BEND6: variants seen among roughly 807,000 people sequenced by gnomAD.
The protein encoded by BEND6 is BEN domain-containing protein 6.
A neutral mutation model predicts 31.8 loss-of-function variants in BEND6; 24 were observed. The observed-to-expected ratio is 0.75, with a 90% CI of 0.55 to 1.06. The LOEUF is 1.06. BEND6 is among the 50% of genes least tolerant of loss of function. BEND6 has a pLI of 0.00. For missense variants in BEND6, 294 were observed against 327.4 expected, an observed-to-expected ratio of 0.90 and a Z score of 0.79; for synonymous variants, 109 against 114.6, an observed-to-expected ratio of 0.95 and a Z score of 0.31.
chr6:56,990,843 A>G (rs183653181), intron 2 of BEND6, among the ~76,000 whole-genome samples: 1 of 152,296 alleles, frequency 6.6e-6, no homozygotes, highest in African/African-American at 2.4e-5. Context: ...GAGTCAGACA[A>G]TCTTGAGATC....
At chr6:57,011,910 G>C (rs1827362861) in intron 3 of BEND6, among the ~76,000 whole-genome samples, 1 of 152,204 alleles carries the variant, frequency 6.6e-6, no homozygotes, top group Non-Finnish European at 1.5e-5. Flanking sequence ...CAGATCACGT[G>C]AGGTGAGGAG....
intron 3 of BEND6, among the ~76,000 whole-genome samples, chr6:57,003,222 T>C (rs1474418433): frequency 6.6e-6 from 1 of 152,106 alleles, no homozygotes; most frequent in Non-Finnish European, 1.5e-5. Context: ...AAAAATCTGC[T>C]GGGCACAGTG....
chr6:56,958,687 C>T (rs1825181127), intron 1 of BEND6, among the ~76,000 whole-genome samples: 2 of 152,194 alleles, frequency 1.3e-5, no homozygotes, highest in Non-Finnish European at 2.9e-5. Context: ...ATCCCAGAAT[C>T]AGAACTTTGG....
chr6:57,007,557 T>G (rs1168900877), intron 3 of BEND6, among the ~76,000 whole-genome samples: 1 of 151,682 alleles, frequency 6.6e-6, no homozygotes, highest in African/African-American at 2.4e-5. Flanking sequence ...TGGCCAAGAC[T>G]AGAGGATCAC....
At chr6:56,962,529 AT>A (rs1825327117) in intron 1 of BEND6, among the ~76,000 whole-genome samples, 1 of 152,212 alleles carries the variant, frequency 6.6e-6, no homozygotes, top group East Asian at 1.9e-4. Context: ...GTGACATAAC[AT>A]TCATGCATTC....
chr6:56,982,951 A>AT (rs527390969), intron 2 of BEND6, among the ~76,000 whole-genome samples: 105 of 152,168 alleles, frequency 6.9e-4, no homozygotes, highest in African/African-American at 2.3e-3. Context: ...AGAGCTTTGT[A>AT]TTTTTTACAG....
chr6:56,988,238 G>C (rs752903554), intron 2 of BEND6, among the ~76,000 whole-genome samples: 2 of 151,800 alleles, frequency 1.3e-5, no homozygotes, highest in African/African-American at 2.4e-5. Flanking sequence ...GGATGGTCTC[G>C]ATTTCCTGAC....
chr6:56,963,421 T>G (rs1825355503), intron 1 of BEND6, among the ~76,000 whole-genome samples: 1 of 152,284 alleles, frequency 6.6e-6, no homozygotes, highest in East Asian at 1.9e-4. Context: ...AAATTATAGT[T>G]TCACCCTTAC....
intron 3 of BEND6, 48 bp from the exon 4 acceptor site, chr6:57,015,085 C>G: frequency 6.6e-7 from 1 of 1,509,246 alleles, no homozygotes. Context: ...TACATATGCA[C>G]CTATTATCAA....
chr6:56,984,249 GA>G lies in BEND6; in HGVS notation c.120+2328del, dbSNP rs377421277. Among the ~76,000 whole-genome samples, 418 of 149,676 alleles carry G rather than the reference GA, an allele frequency of 2.8e-3. 3 individuals carry two copies. In the East Asian group the frequency reaches 0.035, roughly 13 times the overall value. On this transcript the variant is annotated intron_variant, in intron 2 of 6. Transcript: ENST00000370746. The stretch of plus-strand genomic sequence containing the variant: ...AACAAAAAAAAAAGCAAAGAAAAAA[GA>G]AAAAAAAACTGTGTGACAATTTATC...
intron 6 of BEND6, among the ~76,000 whole-genome samples, chr6:57,022,299 T>C (rs1324569136): frequency 2.0e-5 from 3 of 151,960 alleles, no homozygotes; most frequent in South Asian, 4.1e-4. Context: ...AATTTTGATC[T>C]TGTTACTCCC....
chr6:56,959,523 T>G (rs62417383), intron 1 of BEND6, among the ~76,000 whole-genome samples: 142 of 152,298 alleles, frequency 9.3e-4, no homozygotes, highest in Non-Finnish European at 1.5e-3. Flanking sequence ...ACTTCCTTGC[T>G]TCTAGGTGAA....
At chr6:56,961,508 G>A (rs9370549) in intron 1 of BEND6, among the ~76,000 whole-genome samples, 2 of 152,150 alleles carry the variant, frequency 1.3e-5, no homozygotes, top group Admixed American at 1.3e-4. Context: ...CACTTCCATA[G>A]ACTTCTGTTA....
chr6:56,959,901 C>T (rs1209108004), intron 1 of BEND6, among the ~76,000 whole-genome samples: 1 of 152,148 alleles, frequency 6.6e-6, no homozygotes, highest in Non-Finnish European at 1.5e-5. Context: ...TGGGTTACCA[C>T]ACTGCCGAAG....
chr6:56,987,260 G>A (rs567699389), intron 2 of BEND6, among the ~76,000 whole-genome samples: 6 of 152,194 alleles, frequency 3.9e-5, no homozygotes, highest in African/African-American at 7.2e-5. Context: ...GATTACAGTC[G>A]TGAGCCACTG....
intron 6 of BEND6, 70 bp from the exon 7 acceptor site, chr6:57,026,012 C>T (rs1280081298): frequency 6.6e-6 from 1 of 152,030 alleles, no homozygotes; most frequent in Non-Finnish European, 1.5e-5. Flanking sequence ...ACAAATAACT[C>T]ATATAACTGT....
chr6:56,962,342 G>A (rs929454728), intron 1 of BEND6, among the ~76,000 whole-genome samples: 1 of 152,166 alleles, frequency 6.6e-6, no homozygotes, highest in Non-Finnish European at 1.5e-5. Context: ...ATATTTCCAG[G>A]ATACTAGGTC....
At chr6:56,990,276 G>T (rs769318703) in intron 2 of BEND6, among the ~76,000 whole-genome samples, 10 of 133,436 alleles carry the variant, frequency 7.5e-5, no homozygotes, top group African/African-American at 8.2e-5. Flanking sequence ...TTTTGGACAG[G>T]GTCTCGCTCT....
intron 2 of BEND6, among the ~76,000 whole-genome samples, chr6:56,991,342 T>C (rs1826491209): frequency 6.6e-6 from 1 of 152,046 alleles, no homozygotes; most frequent in African/African-American, 2.4e-5. Context: ...AGAGAATCTA[T>C]ACAAATTTAC....
Sources: allele counts gnomAD v4.1 joint callset (sites outside exome capture counted in the v4.1 genomes callset), GRCh38; gene constraint gnomAD v4.1.1; transcripts MANE v1.5; gene names NCBI Gene and HGNC (gene_info 2026-07-23, HGNC 2026-07-21).